Variants in TMEM201 observed in about 807,000 individuals in gnomAD.
TMEM201 encodes RP13-15M17.2.
In TMEM201, 26 loss-of-function variants were observed where a neutral mutation model predicts 63.4. The ratio of observed to expected loss-of-function variants is 0.41; its 90% CI spans 0.30 to 0.57. TMEM201 has a LOEUF of 0.57. Ranked by LOEUF, TMEM201 falls within the 20% of genes least tolerant of loss-of-function variation. TMEM201 has a pLI of 0.29. For synonymous variants in TMEM201, 417 were observed against 421.6 expected (o/e 0.99, Z 0.14); for missense variants, 794 against 917.7 (o/e 0.87, Z 1.74).
At position 9,613,300 on chromosome 1, in the gene TMEM201, C is replaced by T. The variant is rs959226332; in HGVS notation, c.*217C>T. On this transcript the variant is annotated 3_prime_UTR_variant, in exon 11 of 11. Coordinates refer to ENST00000340381, the MANE Select transcript of TMEM201 (RefSeq NM_001130924.3). ...GAGGTCACACTCTCTGCCCACTCAC[C>T]TCCTTGGCTGACATCGGTTGTGTTT... 6 of 586,176 alleles carry T rather than the reference C, an allele frequency of 1.0e-5. No homozygotes were observed. Among genetic ancestry groups the T allele is most frequent in the Non-Finnish European group, 1.8e-5 (6 of 328,550 alleles). The allele number at this position is 586,176 out of a possible 1,614,324, so 36.3% of individuals were successfully genotyped here. A position where few individuals can be genotyped will look rare whatever the true frequency, so the allele number is the denominator to read the frequency against.
intron 7 of TMEM201, among the ~76,000 whole-genome samples, chr1:9,609,038 G>C (rs1199657560): frequency 6.6e-6 from 1 of 152,178 alleles, no homozygotes; most frequent in Admixed American, 6.5e-5. Context: ...CCAGCTTGCT[G>C]TCTCCCTGTC....
chr1:9,596,606 T>A (rs1442224069), intron 2 of TMEM201, among the ~76,000 whole-genome samples: 2 of 152,138 alleles, frequency 1.3e-5, no homozygotes, highest in African/African-American at 4.8e-5. Flanking sequence ...TAGAGGTGTG[T>A]GGGTGGGCGG....
rs1027394667 is a variant in TMEM201 at position 9,603,986 on chromosome 1, G to T, written c.1160+1714G>T. On this transcript the variant is annotated intron_variant, in intron 6 of 10. Coordinates refer to ENST00000340381, the MANE Select transcript of TMEM201 (RefSeq NM_001130924.3). This position sits in a 1 kb window ranked among gnomAD's most constrained non-coding sequence, Gnocchi z 4.5. ...GGAGTTGGGGCGGGTGAGCCAAAGC[G>T]GCCCCCCATGGTGTCTACCTGAGGG... 8 of 985,300 alleles carry T rather than the reference G, an allele frequency of 8.1e-6. No homozygotes were observed. Among genetic ancestry groups the T allele is most frequent in the Non-Finnish European group, 9.6e-6 (8 of 829,954 alleles). 61.0% of individuals were successfully genotyped at this position (985,300 alleles called of 1,614,324 possible).
At chr1:9,591,162 C>T (rs1003288081) in intron 1 of TMEM201, among the ~76,000 whole-genome samples, 1 of 152,244 alleles carries the variant, frequency 6.6e-6, no homozygotes, top group Non-Finnish European at 1.5e-5. Flanking sequence ...GGAGTCCTCT[C>T]GCTTCCATGG....
chr1:9,609,373 C>G (rs993673507), intron 7 of TMEM201, among the ~76,000 whole-genome samples: 2 of 152,228 alleles, frequency 1.3e-5, no homozygotes, highest in African/African-American at 4.8e-5. Context: ...TAGGAAAAGG[C>G]AGCGTGGTTG....
intron 1 of TMEM201, among the ~76,000 whole-genome samples, chr1:9,589,582 T>G (rs1643886359): frequency 6.6e-6 from 1 of 152,260 alleles, no homozygotes; most frequent in African/African-American, 2.4e-5. Context: ...ACCCCGAGGC[T>G]GGGCTGCCTC....
intron 4 of TMEM201, among the ~76,000 whole-genome samples, chr1:9,600,499 A>C (rs1644117022): frequency 6.6e-6 from 1 of 152,180 alleles, no homozygotes; most frequent in Non-Finnish European, 1.5e-5. Flanking sequence ...TCAGATACGC[A>C]CATAATAAAC....
chr1:9,594,654 G>A (rs1643982304), intron 1 of TMEM201, among the ~76,000 whole-genome samples: 1 of 152,194 alleles, frequency 6.6e-6, no homozygotes, highest in African/African-American at 2.4e-5. Flanking sequence ...GTCAGAAGCG[G>A]GAGCCCTGCT....
intron 3 of TMEM201, among the ~76,000 whole-genome samples, chr1:9,597,996 C>T (rs1178699835): frequency 3.9e-5 from 6 of 152,324 alleles, no homozygotes; most frequent in African/African-American, 1.4e-4. Flanking sequence ...CCTTCACCTG[C>T]CACAAAGACA....
At chr1:9,602,924 G>A (rs761195192) in intron 6 of TMEM201, 11 of 985,478 alleles carry the variant, frequency 1.1e-5, no homozygotes, top group Non-Finnish European at 1.3e-5. Flanking sequence ...CCTGCTCCAA[G>A]ACCCTCCCGA....
chr1:9,611,695 C>CT lies in TMEM201; in HGVS notation c.1766-58_1766-57insT. 3 of 1,548,328 alleles carry CT rather than the reference C, an allele frequency of 1.9e-6. No homozygotes were observed. In the South Asian group the frequency reaches 3.6e-5, roughly 18 times the overall value. ...TTAGAGTGGAAGTACAGCTGCCCCG[C>CT]GTCTGTCCCTGGAGGGAGCCATGAG... On this transcript the variant is annotated intron_variant, in intron 9 of 10. Transcript: ENST00000340381.
At chr1:9,595,128 G>A (rs536579452) in intron 1 of TMEM201, among the ~76,000 whole-genome samples, 10 of 152,242 alleles carry the variant, frequency 6.6e-5, no homozygotes, top group Admixed American at 2.0e-4. Context: ...GGGCAGTGGC[G>A]GTCTCTCTGC....
At position 9,609,793 on chromosome 1, in the gene TMEM201, A is replaced by T. The variant is rs1644295465; in HGVS notation, c.1394-47A>T. ...GCAGAGCATTTGTGGGGGCCTCTGC[A>T]CGTCATCCACAGGCCTGACGTGTCG... On this transcript the variant is annotated intron_variant, in intron 7 of 10. Transcript: ENST00000340381. The T allele has an allele frequency of 2.5e-5, 38 of 1,536,986 alleles. No homozygotes were observed. The East Asian group carries it at 9.3e-4, about 38-fold the overall frequency.
At chr1:9,611,993 C>A in intron 10 of TMEM201, 103 bp downstream of exon 10, 2 of 1,350,202 alleles carry the variant, frequency 1.5e-6, no homozygotes, top group Non-Finnish European at 9.8e-7. Flanking sequence ...TCTTCCAGGA[C>A]ATTGCAGTCC....
chr1:9,610,012 AGT>A lies in TMEM201; in HGVS notation c.1465+108_1465+109del. On this transcript the variant is annotated intron_variant, in intron 8 of 10. Coordinates refer to ENST00000340381, the MANE Select transcript of TMEM201 (RefSeq NM_001130924.3). This position sits in a 1 kb window ranked among gnomAD's most constrained non-coding sequence, Gnocchi z 4.9. ...GAGCTTTGGGGTCAGACAGACCCCA[AGT>A]GTGTGTTCACATCTCAGCCCTGGGC... 1 of 1,151,644 alleles carries A rather than the reference AGT, an allele frequency of 8.7e-7. No homozygotes were observed. The highest frequency in any genetic ancestry group is 1.3e-6 in the Non-Finnish European group (1 of 787,534). The allele number at this position is 1,151,644 out of a possible 1,614,324, so 71.3% of individuals were successfully genotyped here.
chr1:9,607,782 T>G lies in TMEM201; in HGVS notation c.1386T>G (p.Thr462=), dbSNP rs1476772096. ...ALSLGTIPSL[T]RADSGYLFSG... ...CTCTGGGAACCATACCCTCTCTGAC[T>G]CGAGCAGGTAAGGGGTGCCCAGGCA... Residue 462 remains threonine, a synonymous_variant, in exon 7 of 11, where the codon ACT becomes ACG. Coordinates refer to ENST00000340381, the MANE Select transcript of TMEM201 (RefSeq NM_001130924.3). This position sits in a 1 kb window ranked among gnomAD's most constrained non-coding sequence, Gnocchi z 5.4. The G allele has an allele frequency of 4.5e-6, 7 of 1,551,220 alleles. No homozygotes were observed. The Admixed American group carries it at 1.4e-4, about 30-fold the overall frequency.
chr1:9,593,223 G>A (rs974038296), intron 1 of TMEM201, among the ~76,000 whole-genome samples: 2 of 152,236 alleles, frequency 1.3e-5, no homozygotes, highest in Admixed American at 6.5e-5. Context: ...CCCCACCTGC[G>A]TGGGGACCTC....
At position 9,605,144 on chromosome 1, in the gene TMEM201, C is replaced by T. The variant is rs902021758; in HGVS notation, c.1161-2413C>T. 3.3e-5 allele frequency among the ~76,000 whole-genome samples: 5 copies of T among 152,148 alleles called. No individual in the cohort carries two copies. Among genetic ancestry groups the T allele is most frequent in the African/African-American group, 1.2e-4 (5 of 41,428 alleles). The stretch of plus-strand genomic sequence containing the variant: ...CGCCTTTGCTGGATCATATTTTTTC[C>T]GTCTCAATAAACTGTTGCTTAAAAC... On this transcript the variant is annotated intron_variant, in intron 6 of 10. Transcript: ENST00000340381. The surrounding 1 kb of genome is among the most constrained non-coding windows in gnomAD (Gnocchi z 5.7).
In TMEM201 at chr1:9,608,464, G is replaced by C. The variant is rs1326265670; in HGVS notation, c.1393+675G>C. The stretch of plus-strand genomic sequence containing the variant: ...GCCAAGGCCCCTCTCCTCTCGTGCA[G>C]TTACAGGGCAGGCCATTTTGTACAC... On this transcript the variant is annotated intron_variant, in intron 7 of 10. Transcript: ENST00000340381. The surrounding 1 kb of genome is among the most constrained non-coding windows in gnomAD (Gnocchi z 4.3). Among the ~76,000 whole-genome samples, 1 of 152,208 alleles carries C rather than the reference G, an allele frequency of 6.6e-6. No individual in the cohort carries two copies. The highest frequency in any genetic ancestry group is 1.5e-5 in the Non-Finnish European group (1 of 68,044).
Sources: gnomAD v4.1 joint callset for allele counts (sites outside exome capture counted in the v4.1 genomes callset) on GRCh38, gnomAD v4.1.1 for gene constraint, Gnocchi (gnomAD v3.1) non-coding constraint, MANE v1.5 for transcripts, NCBI Gene and HGNC (gene_info 2026-07-23, HGNC 2026-07-21) for gene names.